Variants in TMEM170A observed in about 807,000 individuals in gnomAD.
TMEM170A encodes the protein transmembrane protein 170.
A neutral mutation model predicts 12.8 loss-of-function variants in TMEM170A; 18 were observed. The ratio of observed to expected loss-of-function variants is 1.41; its 90% CI spans 0.97 to 2.09. The LOEUF (loss-of-function observed/expected upper bound fraction) is 2.09. Ranked by LOEUF, TMEM170A falls within the 30% of genes most tolerant of loss-of-function variation. The probability of loss-of-function intolerance (pLI) is 0.00; values close to 1 mark genes in which losing one functional copy is unlikely to be tolerated. For synonymous variants in TMEM170A, 107 were observed against 76.2 expected, an observed-to-expected ratio of 1.40 and a Z score of -2.11; for missense variants, 220 against 179.9, an observed-to-expected ratio of 1.22 and a Z score of -1.28.
intron 2 of TMEM170A, among the ~76,000 whole-genome samples, chr16:75,450,909 A>C (rs1366031522): frequency 6.6e-6 from 1 of 152,016 alleles, no homozygotes; most frequent in African/African-American, 2.4e-5. Flanking sequence ...CAAGCCTCCC[A>C]CCTCTGCCTC....
chr16:75,461,816 T>C (rs2079913414), intron 1 of TMEM170A, among the ~76,000 whole-genome samples: 2 of 152,216 alleles, frequency 1.3e-5, no homozygotes, highest in Non-Finnish European at 2.9e-5. Flanking sequence ...ACAAGTTACA[T>C]ACCCATAACA....
At chr16:75,464,700 G>A (rs928574019), upstream of TMEM170A, 7 of 1,447,590 alleles carry the variant, frequency 4.8e-6, no homozygotes, top group Admixed American at 3.0e-5. Context: ...ACCTCCAGCC[G>A]GGGTCCTCTT....
chr16:75,457,264 G>A (rs955589422), intron 1 of TMEM170A, among the ~76,000 whole-genome samples: 6 of 152,202 alleles, frequency 3.9e-5, no homozygotes, highest in African/African-American at 1.4e-4. Context: ...GAACTGGGAG[G>A]CAAAGCCTTA....
chr16:75,455,038 G>A (rs1269061344), intron 1 of TMEM170A, among the ~76,000 whole-genome samples: 1 of 152,168 alleles, frequency 6.6e-6, no homozygotes, highest in Non-Finnish European at 1.5e-5. Flanking sequence ...GTGCACCCAC[G>A]TAATACTACA....
intron 1 of TMEM170A, among the ~76,000 whole-genome samples, chr16:75,454,229 A>G (rs1042200124): frequency 3.7e-5 from 5 of 134,126 alleles, no homozygotes; most frequent in African/African-American, 1.3e-4. Flanking sequence ...CAGTTGTGTC[A>G]ACCAAAAATA....
At position 75,443,206 on chromosome 16, in the gene TMEM170A, C is replaced by G. The variant is rs1411050843; in HGVS notation, c.*4352G>C. 1 of 152,088 alleles carries G rather than the reference C, an allele frequency of 6.6e-6. No homozygotes were observed. The highest frequency in any genetic ancestry group is 1.9e-4 in the East Asian group (1 of 5,194). 9.4% of individuals were successfully genotyped at this position (152,088 alleles called of 1,614,324 possible). A position where few individuals can be genotyped will look rare whatever the true frequency, so the allele number is the denominator to read the frequency against. ...CAATTTTATTACAAAAGATTAAACTCATTAGCCACCAAAAAGAAATATAAT... is the reference window on the plus strand; with the variant it reads ...CAATTTTATTACAAAAGATTAAACTGATTAGCCACCAAAAAGAAATATAAT... On this transcript the variant is annotated 3_prime_UTR_variant, in exon 3 of 3. Coordinates refer to ENST00000561878, the MANE Select transcript of TMEM170A (RefSeq NM_145254.3).
rs955313530 is a variant in TMEM170A at position 75,464,407 on chromosome 16, C to T, written c.133+61G>A. 47 of 1,386,108 alleles carry T rather than the reference C, an allele frequency of 3.4e-5. No individual in the cohort carries two copies. The African/African-American group carries it at 4.9e-4, about 14-fold the overall frequency. The allele number at this position is 1,386,108 out of a possible 1,614,324, so 85.9% of individuals were successfully genotyped here. On this transcript the variant is annotated intron_variant, in intron 1 of 2. Coordinates refer to ENST00000561878, the MANE Select transcript of TMEM170A (RefSeq NM_145254.3). ...CGGGACCCCGCCCAGACTCGGGGCG[C>T]CCACAGCACGGCAGCGGCGACGGCG...
intron 1 of TMEM170A, among the ~76,000 whole-genome samples, chr16:75,453,384 A>T (rs187014367): frequency 6.6e-6 from 1 of 152,222 alleles, no homozygotes; most frequent in East Asian, 1.9e-4. Context: ...CAGTAAGTCA[A>T]GATCATGCTA....
At chr16:75,453,254 C>T (rs182304770) in intron 1 of TMEM170A, among the ~76,000 whole-genome samples, 12 of 152,182 alleles carry the variant, frequency 7.9e-5, no homozygotes, top group African/African-American at 2.4e-4. Flanking sequence ...GGCAATACAG[C>T]GAAACCCTGT....
chr16:75,456,994 A>G (rs1029578419), intron 1 of TMEM170A, among the ~76,000 whole-genome samples: 4 of 152,240 alleles, frequency 2.6e-5, no homozygotes, highest in African/African-American at 7.2e-5. Flanking sequence ...CCTAGTCTAC[A>G]GAAAATTCTA....
chr16:75,461,967 A>G (rs1231297431), intron 1 of TMEM170A, among the ~76,000 whole-genome samples: 1 of 152,194 alleles, frequency 6.6e-6, no homozygotes, highest in African/African-American at 2.4e-5. Flanking sequence ...TCTTTTCTTA[A>G]TGAAAGGGAA....
At chr16:75,448,379 A>G (rs1238036008) in intron 2 of TMEM170A, among the ~76,000 whole-genome samples, 1 of 152,254 alleles carries the variant, frequency 6.6e-6, no homozygotes, top group Non-Finnish European at 1.5e-5. Context: ...AAACCCCTGT[A>G]TCTATGCAGA....
chr16:75,446,143 C>A lies in TMEM170A; in HGVS notation c.*1415G>T, dbSNP rs1342037684. On this transcript the variant is annotated 3_prime_UTR_variant, in exon 3 of 3. Coordinates refer to ENST00000561878, the MANE Select transcript of TMEM170A (RefSeq NM_145254.3). The stretch of plus-strand genomic sequence containing the variant: ...TGAGCTGAGATTGCACCACTGCACT[C>A]CAGCCTGGGCAACACAGTGAGGCTC... The A allele has an allele frequency of 1.3e-5, 2 of 151,250 alleles. No homozygotes were observed. Among genetic ancestry groups the A allele is most frequent in the African/African-American group, 4.9e-5 (2 of 41,124 alleles). The allele number at this position is 151,250 out of a possible 1,614,324, so 9.4% of individuals were successfully genotyped here.
At chr16:75,458,085 T>TAC (rs1174085806) in intron 1 of TMEM170A, among the ~76,000 whole-genome samples, 1 of 152,244 alleles carries the variant, frequency 6.6e-6, no homozygotes, top group African/African-American at 2.4e-5. Context: ...TGTCATACAG[T>TAC]ACTTTTCATT....
At chr16:75,462,545 T>C (rs987906208) in intron 1 of TMEM170A, among the ~76,000 whole-genome samples, 6 of 152,206 alleles carry the variant, frequency 3.9e-5, no homozygotes, top group Non-Finnish European at 8.8e-5. Flanking sequence ...TACTGGTGAG[T>C]GGACGTCACC....
At position 75,443,889 on chromosome 16, in the gene TMEM170A, G is replaced by C. The variant is rs2079540527; in HGVS notation, c.*3669C>G. 6.6e-6 allele frequency: 1 copy of C among 152,132 alleles called. No homozygotes were observed. Among genetic ancestry groups the C allele is most frequent in the Non-Finnish European group, 1.5e-5 (1 of 68,048 alleles). The allele number at this position is 152,132 out of a possible 1,614,324, so 9.4% of individuals were successfully genotyped here. ...GGATCACTTGAAGTCAGGAGTTTGA[G>C]ACCAGCCTGTCCAACATAATCAAAC... On this transcript the variant is annotated 3_prime_UTR_variant, in exon 3 of 3. Coordinates refer to ENST00000561878, the MANE Select transcript of TMEM170A (RefSeq NM_145254.3).
At chr16:75,462,001 CTA>C (rs2079917615) in intron 1 of TMEM170A, among the ~76,000 whole-genome samples, 1 of 152,194 alleles carries the variant, frequency 6.6e-6, no homozygotes, top group Non-Finnish European at 1.5e-5. Flanking sequence ...ACTCAACAGA[CTA>C]TTCAGTTCCA....
chr16:75,447,962 T>C (rs1474427896), intron 2 of TMEM170A, among the ~76,000 whole-genome samples: 1 of 152,124 alleles, frequency 6.6e-6, no homozygotes, highest in African/African-American at 2.4e-5. Context: ...CTGGAAGAAA[T>C]AATCAAAATC....
At chr16:75,456,821 T>C (rs749675643) in intron 1 of TMEM170A, among the ~76,000 whole-genome samples, 5 of 152,166 alleles carry the variant, frequency 3.3e-5, no homozygotes, top group East Asian at 1.9e-4. Context: ...CAGTCAAGAG[T>C]GGCCTGGCCT....
Sources: allele counts gnomAD v4.1 joint callset (sites outside exome capture counted in the v4.1 genomes callset), GRCh38; gene constraint gnomAD v4.1.1; transcripts MANE v1.5; gene names NCBI Gene and HGNC (gene_info 2026-07-23, HGNC 2026-07-21).